The following SYNE2 variants were observed in gnomAD, a reference collection of about 807,000 sequenced individuals.
SYNE2 encodes the protein nesprin-2.
In SYNE2, 431 loss-of-function variants were observed where a neutral mutation model predicts 856.3. The observed-to-expected ratio is 0.50, with a 90% CI of 0.47 to 0.55. The LOEUF is 0.55. SYNE2 is among the 20% of genes least tolerant of loss of function. The pLI is 0.00. For missense variants in SYNE2, 8,129 were observed against 8,023.2 expected (o/e 1.01, Z -0.50); for synonymous variants, 2,923 against 2,872.3 (o/e 1.02, Z -0.56).
chr14:64,001,828 A>C, intron 28 of SYNE2, 106 bp from the exon 29 acceptor site: 1 of 1,240,280 alleles, frequency 8.1e-7, no homozygotes, highest in African/African-American at 1.5e-5. Flanking sequence ...ATGTCTGTTT[A>C]TTGGATAATT....
chr14:63,933,123 C>A (rs2153402317), intron 2 of SYNE2, among the ~76,000 whole-genome samples: 1 of 152,196 alleles, frequency 6.6e-6, no homozygotes, highest in Non-Finnish European at 1.5e-5. Context: ...AAGAGAAATT[C>A]TTTGATGAGA....
At chr14:64,186,700 T>C in intron 97 of SYNE2, 121 bp downstream of exon 97, 3 of 1,323,788 alleles carry the variant, frequency 2.3e-6, no homozygotes, top group Non-Finnish European at 3.2e-6. Flanking sequence ...GTGGGACCCC[T>C]GGCCCGGCCG....
At chr14:63,798,144 G>T (rs897769540) in intron 1 of SYNE2, among the ~76,000 whole-genome samples, 8 of 152,086 alleles carry the variant, frequency 5.3e-5, no homozygotes, top group Non-Finnish European at 1.0e-4. Context: ...GGCTCAAGCA[G>T]TCATCCCATC....
chr14:64,021,590 G>A (rs1438439791), intron 36 of SYNE2, 75 bp downstream of exon 36: 1 of 1,552,152 alleles, frequency 6.4e-7, no homozygotes, highest in Non-Finnish European at 8.8e-7. Context: ...AGCTCTTAGA[G>A]TTAATAAAAA....
rs909828076 is a variant in SYNE2 at position 63,963,792 on chromosome 14, T to C, written c.889-107T>C. 1.8e-5 allele frequency: 13 copies of C among 726,986 alleles called. No individual in the cohort carries two copies. The African/African-American group carries it at 2.1e-4, about 12-fold the overall frequency. The allele number at this position is 726,986 out of a possible 1,614,324, so 45.0% of individuals were successfully genotyped here. On this transcript the variant is annotated intron_variant, in intron 9 of 115. Coordinates refer to ENST00000555002, the MANE Select transcript of SYNE2 (RefSeq NM_182914.3). ...ACTCTTTGGCATAATGAATCATTGG[T>C]GTGTAATGATGGCATTATTTCACTG...
At chr14:64,193,714 C>G (rs1355806243) in intron 99 of SYNE2, among the ~76,000 whole-genome samples, 1 of 151,996 alleles carries the variant, frequency 6.6e-6, no homozygotes, top group Admixed American at 6.5e-5. Flanking sequence ...TTAGGATAGG[C>G]TTCCTTAAAA....
chr14:64,146,035 T>C (rs771343382), intron 83 of SYNE2, 33 bp from the exon 84 acceptor site: 7 of 1,469,700 alleles, frequency 4.8e-6, no homozygotes, highest in Non-Finnish European at 6.4e-6. Flanking sequence ...AACATACATT[T>C]TAACATTTTT....
In SYNE2 at chr14:64,186,505, C is replaced by T; in HGVS notation, c.17638C>T (p.Leu5880Phe). The change falls in exon 97 of 116, where the codon CTC (leucine) becomes TTC (phenylalanine). Residue 5880 changes from leucine to phenylalanine, a missense_variant. Transcript: ENST00000555002. Reference sequence around the variant, plus strand: ...GAAGGCGGACTTAACCCGGCACGTTCTCGTGGAAGATGTGATGGTTTTGAA... The same window carrying T: ...GAAGGCGGACTTAACCCGGCACGTTTTCGTGGAAGATGTGATGGTTTTGAA... ...TMKADLTRHV[L>F]VEDVMVLKEQ... 6.2e-7 allele frequency: 1 copy of T among 1,614,204 alleles called. No individual in the cohort carries two copies. The highest frequency in any genetic ancestry group is 1.1e-5 in the South Asian group (1 of 91,080).
At chr14:63,940,433 C>T (rs1057144670) in intron 2 of SYNE2, among the ~76,000 whole-genome samples, 181 bp from the exon 3 acceptor site, 1 of 151,182 alleles carries the variant, frequency 6.6e-6, no homozygotes, top group African/African-American at 2.4e-5. Flanking sequence ...AATATCGTAT[C>T]AACATGGTTT....
chr14:64,217,577 A>C (rs984841361), intron 108 of SYNE2, among the ~76,000 whole-genome samples: 3 of 152,330 alleles, frequency 2.0e-5, no homozygotes, highest in African/African-American at 7.2e-5. Context: ...AAGAATAATA[A>C]GACAGGGGAA....
Position 64,078,474 on chromosome 14 carries a change from T to C in SYNE2, c.11031T>C (p.Asn3677=), listed in dbSNP as rs780302614. ...CTTTGTCTCTTTCACAGATTAGCAA[T>C]GAAGTCTTAAAAAGCTCACCATCAT... The part of the protein sequence containing the change: ...ALEDIDEKIS[N]EVLKSSPSYA... Residue 3677 remains asparagine, a synonymous_variant, in exon 55 of 116, where the codon AAT becomes AAC. Coordinates refer to ENST00000555002, the MANE Select transcript of SYNE2 (RefSeq NM_182914.3). 11 of 1,613,960 alleles carry C rather than the reference T, an allele frequency of 6.8e-6. No homozygotes were observed. The East Asian group carries it at 2.5e-4, about 36-fold the overall frequency.
At chr14:63,968,158 G>A (rs1247529587) in intron 11 of SYNE2, among the ~76,000 whole-genome samples, 2 of 151,572 alleles carry the variant, frequency 1.3e-5, no homozygotes, top group South Asian at 2.1e-4. Context: ...ATGAGACTCC[G>A]TCTCAAAAAA....
rs777205885 is a variant in SYNE2, at chr14:64,052,426, A to T, written c.8513A>T (p.Asn2838Ile). 1.7e-5 allele frequency: 27 copies of T among 1,613,036 alleles called. No homozygotes were observed. The highest frequency in any genetic ancestry group is 2.1e-5 in the Non-Finnish European group (25 of 1,179,664). Residue 2838 changes from asparagine to isoleucine, a missense_variant, in exon 48 of 116, where the codon AAT becomes ATT. Around this residue, in one of 3 missense-constraint regions of SYNE2, gnomAD observed 5,410 missense variants for 5,284.8 expected, o/e 1.02. Transcript: ENST00000555002. ...GAATTTAAGTTGGAAGAAAGAAGCAATTTTTTTGCTATAATAAGGAAGTTT... is the reference window on the plus strand; with the variant it reads ...GAATTTAAGTTGGAAGAAAGAAGCATTTTTTTTGCTATAATAAGGAAGTTT... ...QLEFKLEERSNFFAIIRKFQL... is the reference protein window; with the variant it reads ...QLEFKLEERSIFFAIIRKFQL...
intron 61 of SYNE2, among the ~76,000 whole-genome samples, chr14:64,094,729 C>G (rs1175363853): frequency 1.3e-5 from 2 of 152,054 alleles, no homozygotes; most frequent in Non-Finnish European, 2.9e-5. Flanking sequence ...TAGATTTCCC[C>G]TTATGCTAAA....
intron 97 of SYNE2, 25 bp downstream of exon 97, chr14:64,186,604 G>A (rs780820005): frequency 2.5e-6 from 4 of 1,613,964 alleles, no homozygotes; most frequent in South Asian, 2.2e-5. Context: ...TGCAGGGCAC[G>A]GCTGTTTGGG....
chr14:64,114,679 G>A (rs2097841185), intron 66 of SYNE2, among the ~76,000 whole-genome samples: 1 of 151,430 alleles, frequency 6.6e-6, no homozygotes, highest in Non-Finnish European at 1.5e-5. Flanking sequence ...GTGCAGTGGA[G>A]CAATCATAGC....
intron 41 of SYNE2, 22 bp from the exon 42 acceptor site, chr14:64,026,557 A>C (rs1364086532): frequency 6.3e-7 from 1 of 1,596,224 alleles, no homozygotes. Flanking sequence ...TGACATTATA[A>C]AATCTCTTTT....
chr14:64,052,592 A>C lies in SYNE2; in HGVS notation c.8679A>C (p.Thr2893=). The C allele has an allele frequency of 6.2e-7, 1 of 1,614,144 alleles. No homozygotes were observed. Among genetic ancestry groups the C allele is most frequent in the Non-Finnish European group, 8.5e-7 (1 of 1,180,034 alleles). Reference sequence around the variant, plus strand: ...AAGAAATTGACAGTGGAATCTCAACACATCTTCAGGAGCTAACAAACATCT... The same window carrying C: ...AAGAAATTGACAGTGGAATCTCAACCCATCTTCAGGAGCTAACAAACATCT... ...ELQEIDSGIS[T]HLQELTNIYE... The change falls in exon 48 of 116, where the codon ACA becomes ACC. Residue 2893 remains threonine, a synonymous_variant. Transcript: ENST00000555002.
chr14:63,779,114 G>A (rs892729278), intron 1 of SYNE2, among the ~76,000 whole-genome samples: 15 of 151,984 alleles, frequency 9.9e-5, no homozygotes, highest in African/African-American at 3.6e-4. Context: ...GAGGTCAGGA[G>A]TTCGAGATCA....
Sources: gnomAD v4.1 joint callset for allele counts (sites outside exome capture counted in the v4.1 genomes callset) on GRCh38, gnomAD v4.1.1 for gene constraint, gnomAD v4.1.1 regional missense constraint, MANE v1.5 for transcripts, NCBI Gene and HGNC (gene_info 2026-07-23, HGNC 2026-07-21) for gene names.